The following RTL4 variants were observed in gnomAD, a reference collection of about 807,000 sequenced individuals.
RTL4 encodes retrotransposon Gag like 4.
A neutral mutation model predicts 5.3 loss-of-function variants in RTL4; 4 were observed. The ratio of observed to expected loss-of-function variants is 0.75; its 90% confidence interval spans 0.37 to 1.72. The LOEUF (loss-of-function observed/expected upper bound fraction) is 1.72, where lower values mean the gene tolerates loss of function less well. RTL4 is among the 40% of genes most tolerant of loss of function. The pLI is 0.04. For missense variants in RTL4, 260 were observed against 227.1 expected, an observed-to-expected ratio of 1.14 and a Z score of -0.93; for synonymous variants, 98 against 87.3, an observed-to-expected ratio of 1.12 and a Z score of -0.68.
chrX:112,179,825 G>A, the RTL4 span, among the ~76,000 whole-genome samples: 3 of 112,021 alleles, frequency 2.7e-5, no homozygotes, highest in African/African-American at 9.7e-5. Flanking sequence ...AAAGGGAATA[G>A]ATAGAGACAG....
chrX:112,384,221 A>G, the RTL4 span, among the ~76,000 whole-genome samples: 6 of 112,213 alleles, frequency 5.3e-5, no homozygotes, highest in Non-Finnish European at 1.1e-4. Context: ...ATTAGATCCC[A>G]TCTGTCAATT....
At chrX:112,394,035 G>T in the RTL4 span, among the ~76,000 whole-genome samples, 3 of 111,360 alleles carry the variant, frequency 2.7e-5, no homozygotes, top group African/African-American at 9.8e-5. Context: ...CCCTGGAGGA[G>T]TGGGCTCACA....
the RTL4 span, among the ~76,000 whole-genome samples, chrX:112,447,516 T>C: frequency 3.6e-5 from 4 of 112,321 alleles, no homozygotes; most frequent in Admixed American, 1.9e-4. Flanking sequence ...TTTGAAACTA[T>C]TTCCAGAACA....
chrX:112,244,400 T>G, the RTL4 span, among the ~76,000 whole-genome samples: 3 of 112,033 alleles, frequency 2.7e-5, no homozygotes, highest in Non-Finnish European at 5.6e-5. Context: ...CATATATATT[T>G]AGGATAATTA....
At chrX:112,161,759 A>T in the RTL4 span, among the ~76,000 whole-genome samples, 1 of 108,956 alleles carries the variant, frequency 9.2e-6, no homozygotes, top group South Asian at 4.1e-4. Context: ...ATCGCACTCT[A>T]TTAGGCCTTG....
the RTL4 span, among the ~76,000 whole-genome samples, chrX:112,388,948 C>T: frequency 9.0e-6 from 1 of 111,646 alleles, no homozygotes. Flanking sequence ...GGGAGGAGTC[C>T]TTTCTCCTCA....
At chrX:112,195,685 A>G in the RTL4 span, among the ~76,000 whole-genome samples, 2 of 111,519 alleles carry the variant, frequency 1.8e-5, no homozygotes, top group African/African-American at 6.5e-5. Context: ...ATTCTAGTTA[A>G]TGGAGCCTAG....
the RTL4 span, among the ~76,000 whole-genome samples, chrX:112,342,293 C>T: frequency 9.0e-6 from 1 of 111,315 alleles, no homozygotes; most frequent in African/African-American, 3.3e-5. Flanking sequence ...CATTTTGGGG[C>T]CTTTAAACAA....
At chrX:112,103,091 A>G in the RTL4 span, among the ~76,000 whole-genome samples, 2 of 112,278 alleles carry the variant, frequency 1.8e-5, no homozygotes, top group Admixed American at 9.4e-5. Context: ...GTATATACCC[A>G]AAGGAATACA....
the RTL4 span, among the ~76,000 whole-genome samples, chrX:112,310,616 TTA>T: frequency 2.9e-4 from 17 of 58,900 alleles, no homozygotes; most frequent in Admixed American, 9.8e-4. Context: ...TTATATATAT[TTA>T]TATATATTAT....
the RTL4 span, among the ~76,000 whole-genome samples, chrX:112,409,391 C>T: frequency 9.0e-6 from 1 of 111,031 alleles, no homozygotes; most frequent in Non-Finnish European, 1.9e-5. Context: ...TCATGGTAAC[C>T]TCAAATCAAA....
chrX:112,143,618 AT>A, the RTL4 span, among the ~76,000 whole-genome samples: 15 of 111,662 alleles, frequency 1.3e-4, no homozygotes, highest in East Asian at 8.4e-4. Flanking sequence ...TTCAATCAGA[AT>A]TTTTTTTATC....
At chrX:112,257,506 G>T in the RTL4 span, among the ~76,000 whole-genome samples, 2 of 110,605 alleles carry the variant, frequency 1.8e-5, no homozygotes, top group Non-Finnish European at 3.8e-5. Flanking sequence ...CTTTAGACTG[G>T]GTAATTTATA....
the RTL4 span, among the ~76,000 whole-genome samples, chrX:112,295,254 C>T: frequency 3.4e-3 from 378 of 111,308 alleles, 4 homozygotes; most frequent in African/African-American, 0.012. Context: ...TATCTCCCTT[C>T]TCATAGTCTT....
chrX:112,338,739 A>G, the RTL4 span, among the ~76,000 whole-genome samples: 1 of 111,570 alleles, frequency 9.0e-6, no homozygotes, highest in Non-Finnish European at 1.9e-5. Flanking sequence ...TCCCCTTTCT[A>G]CTACACTCTT....
chrX:112,285,243 A>G, the RTL4 span, among the ~76,000 whole-genome samples: 7 of 112,036 alleles, frequency 6.2e-5, no homozygotes, highest in Admixed American at 1.9e-4. Flanking sequence ...GAACAAACAC[A>G]GGAAGTAGAC....
At chrX:112,207,372 C>T in the RTL4 span, among the ~76,000 whole-genome samples, 3 of 111,961 alleles carry the variant, frequency 2.7e-5, no homozygotes, top group South Asian at 1.1e-3. Context: ...AAACCTGCTA[C>T]TCTGGTCACT....
the RTL4 span, among the ~76,000 whole-genome samples, chrX:112,306,201 C>A: frequency 9.0e-6 from 1 of 111,178 alleles, no homozygotes; most frequent in South Asian, 3.9e-4. Context: ...CTCGCCCCAC[C>A]CAGAACAGCC....
At chrX:112,097,858 G>A in the RTL4 span, among the ~76,000 whole-genome samples, 1 of 111,413 alleles carries the variant, frequency 9.0e-6, no homozygotes, top group Admixed American at 9.5e-5. Flanking sequence ...GGGGCTGGGT[G>A]TTTTGAGGAC....
Sources: gnomAD v4.1 joint callset for allele counts (sites outside exome capture counted in the v4.1 genomes callset) on GRCh38, gnomAD v4.1.1 for gene constraint, MANE v1.5 for transcripts, NCBI Gene and HGNC (gene_info 2026-07-23, HGNC 2026-07-21) for gene names.